Variants in PKIG observed in about 807,000 individuals in gnomAD.
The protein encoded by PKIG is cAMP-dependent protein kinase inhibitor gamma.
Under a neutral mutation model 6.8 loss-of-function variants are expected in PKIG, and 1 was observed. The observed-to-expected ratio is 0.15, with a 90% CI of 0.05 to 0.69. PKIG has a LOEUF of 0.69. Among genes scored for constraint, PKIG ranks in the 30% least tolerant of loss-of-function variants. The pLI, the probability that PKIG is intolerant of heterozygous loss-of-function variation, is 0.82. For synonymous variants in PKIG, 39 were observed against 43.0 expected (o/e 0.91, Z 0.36); for missense variants, 77 against 104.0 (o/e 0.74, Z 1.13).
chr20:44,537,208 G>A (rs888018242), intron 1 of PKIG, among the ~76,000 whole-genome samples: 31 of 152,058 alleles, frequency 2.0e-4, no homozygotes, highest in African/African-American at 5.5e-4. Flanking sequence ...GGGTTCAAGC[G>A]ATTCTCATGC....
intron 1 of PKIG, among the ~76,000 whole-genome samples, chr20:44,563,416 C>G (rs1458228365): frequency 6.6e-6 from 1 of 151,700 alleles, no homozygotes; most frequent in Non-Finnish European, 1.5e-5. Flanking sequence ...GAAGTTTGGA[C>G]TGGGCACAAC....
At chr20:44,591,362 T>C (rs1050783944) in intron 2 of PKIG, among the ~76,000 whole-genome samples, 11 of 152,146 alleles carry the variant, frequency 7.2e-5, no homozygotes, top group African/African-American at 2.4e-4. Flanking sequence ...GGAAAGTCGC[T>C]GGAGGGCTTT....
At chr20:44,556,150 T>G (rs2064711152) in intron 1 of PKIG, among the ~76,000 whole-genome samples, 1 of 152,052 alleles carries the variant, frequency 6.6e-6, no homozygotes, top group African/African-American at 2.4e-5. Context: ...AGAGACCTAA[T>G]TTAAAGTTTA....
intron 2 of PKIG, among the ~76,000 whole-genome samples, chr20:44,596,266 G>A (rs1036691375): frequency 6.6e-5 from 10 of 152,228 alleles, no homozygotes; most frequent in African/African-American, 1.9e-4. Flanking sequence ...TCATTATTAG[G>A]AAGAAGTCAA....
chr20:44,537,296 A>G (rs987982128), intron 1 of PKIG, among the ~76,000 whole-genome samples: 4 of 152,020 alleles, frequency 2.6e-5, no homozygotes, highest in Non-Finnish European at 5.9e-5. Flanking sequence ...TAGAGACAGC[A>G]TTCTCCATGT....
At chr20:44,599,355 A>G (rs1251736046) in intron 2 of PKIG, among the ~76,000 whole-genome samples, 1 of 152,196 alleles carries the variant, frequency 6.6e-6, no homozygotes, top group Non-Finnish European at 1.5e-5. Flanking sequence ...GGATAATGAT[A>G]CTTTCTGTCA....
chr20:44,569,628 T>G (rs2064838022), intron 1 of PKIG, among the ~76,000 whole-genome samples: 1 of 152,100 alleles, frequency 6.6e-6, no homozygotes, highest in Admixed American at 6.5e-5. Context: ...TTTTTTGAGG[T>G]GGAGTTTTAC....
At chr20:44,543,075 G>A (rs1480228281) in intron 1 of PKIG, among the ~76,000 whole-genome samples, 1 of 152,120 alleles carries the variant, frequency 6.6e-6, no homozygotes, top group Non-Finnish European at 1.5e-5. Context: ...AGAGTCCTTT[G>A]GACATGAATT....
chr20:44,542,941 A>G (rs1282788923), intron 1 of PKIG, among the ~76,000 whole-genome samples: 1 of 152,198 alleles, frequency 6.6e-6, no homozygotes, highest in Non-Finnish European at 1.5e-5. Flanking sequence ...TGATAAGTAT[A>G]GTATACTTAG....
chr20:44,548,376 C>G (rs2064635715), intron 1 of PKIG, among the ~76,000 whole-genome samples: 5 of 152,102 alleles, frequency 3.3e-5, no homozygotes, highest in Admixed American at 1.3e-4. Context: ...TCTGAGACTT[C>G]ATAATATTCG....
At chr20:44,577,414 G>A (rs556641086) in intron 1 of PKIG, among the ~76,000 whole-genome samples, 28 of 152,216 alleles carry the variant, frequency 1.8e-4, no homozygotes, top group East Asian at 3.9e-4. Flanking sequence ...GATTACAAGC[G>A]TCAGCCACCG....
intron 1 of PKIG, among the ~76,000 whole-genome samples, chr20:44,546,627 A>G (rs564075370): frequency 6.7e-6 from 1 of 149,370 alleles, no homozygotes; most frequent in Non-Finnish European, 1.5e-5. Flanking sequence ...ATCTTGGATC[A>G]CTGTAGCCTC....
chr20:44,546,279 G>T (rs1427252054), intron 1 of PKIG, among the ~76,000 whole-genome samples: 1 of 152,038 alleles, frequency 6.6e-6, no homozygotes, highest in African/African-American at 2.4e-5. Flanking sequence ...GAGAGGAGAG[G>T]AGAGGCTTTC....
chr20:44,538,340 A>G (rs1282529733), intron 1 of PKIG, among the ~76,000 whole-genome samples: 2 of 152,232 alleles, frequency 1.3e-5, no homozygotes, highest in Admixed American at 1.3e-4. Flanking sequence ...TTCAAATGAG[A>G]AAATTGAAGA....
At chr20:44,598,447 G>C (rs1440200092) in intron 2 of PKIG, among the ~76,000 whole-genome samples, 1 of 152,178 alleles carries the variant, frequency 6.6e-6, no homozygotes, top group Non-Finnish European at 1.5e-5. Flanking sequence ...GAGATACCCA[G>C]TTTCCCCCTT....
chr20:44,580,475 A>G (rs1214766982), upstream of PKIG, among the ~76,000 whole-genome samples: 3 of 151,972 alleles, frequency 2.0e-5, no homozygotes, highest in African/African-American at 7.3e-5. Flanking sequence ...CCTCCCAAGT[A>G]GCTGGGACTA....
chr20:44,557,548 C>T lies in PKIG; in HGVS notation c.-240-25037C>T, dbSNP rs888757986. Among the ~76,000 whole-genome samples, 10 of 137,634 alleles carry T rather than the reference C, an allele frequency of 7.3e-5. No homozygotes were observed. In the South Asian group the frequency reaches 9.3e-4, roughly 13 times the overall value. 90.3% of individuals were successfully genotyped at this position (137,634 alleles called of 152,430 possible). A position where few individuals can be genotyped will look rare whatever the true frequency, so the allele number is the denominator to read the frequency against. On this transcript the variant is annotated intron_variant, in intron 1 of 4. Coordinates refer to the PKIG transcript ENST00000372887. ...AAAAAAAAAAAAAAAAGGCCAGGTGCGGTGGCTTACGCCTGTAATCCCAAC... is the reference window on the plus strand; with the variant it reads ...AAAAAAAAAAAAAAAAGGCCAGGTGTGGTGGCTTACGCCTGTAATCCCAAC...
chr20:44,560,704 T>C (rs2064758899), intron 1 of PKIG, among the ~76,000 whole-genome samples: 1 of 152,206 alleles, frequency 6.6e-6, no homozygotes, highest in African/African-American at 2.4e-5. Flanking sequence ...ACAATAGCCT[T>C]GCCACCAAGC....
chr20:44,578,328 CAAAA>C (rs3092061), upstream of PKIG, among the ~76,000 whole-genome samples: 35 of 87,264 alleles, frequency 4.0e-4, no homozygotes, highest in African/African-American at 1.4e-3. Flanking sequence ...GACTCCATCT[CAAAA>C]AAAAAAAAAA....
Sources: allele counts gnomAD v4.1 joint callset (sites outside exome capture counted in the v4.1 genomes callset), GRCh38; gene constraint gnomAD v4.1.1; transcripts MANE v1.5; gene names NCBI Gene and HGNC (gene_info 2026-07-23, HGNC 2026-07-21).